Variants in PCDH15 observed in about 807,000 individuals in gnomAD.
PCDH15 encodes the protein protocadherin related 15.
In PCDH15, 129 loss-of-function variants were observed where a neutral mutation model predicts 178.5. The ratio of observed to expected loss-of-function variants is 0.72; its 90% CI spans 0.63 to 0.84. The LOEUF (loss-of-function observed/expected upper bound fraction) is 0.84, where lower values mean the gene tolerates loss of function less well. PCDH15 is among the 40% of genes least tolerant of loss of function. PCDH15 has a pLI of 0.00. For missense variants in PCDH15, 2,230 were observed against 2,099.9 expected (o/e 1.06, Z -1.21); for synonymous variants, 800 against 732.0 (o/e 1.09, Z -1.50).
At chr10:55,559,472 A>G in intron 2 of PCDH15, among the ~76,000 whole-genome samples, 1 of 152,124 alleles carries the variant, frequency 6.6e-6, no homozygotes, top group East Asian at 1.9e-4. Flanking sequence ...CTATAAGGCT[A>G]GCTGCGGAAT....
chr10:53,894,192 C>A (rs78022905), intron 26 of PCDH15, among the ~76,000 whole-genome samples: 3,414 of 152,234 alleles, frequency 0.022, 42 homozygotes, highest in Middle Eastern at 0.058. Context: ...ATCATGCACA[C>A]AGATAAACGA....
chr10:54,177,310 G>A (rs1053503096), intron 13 of PCDH15, among the ~76,000 whole-genome samples: 4 of 152,126 alleles, frequency 2.6e-5, no homozygotes, highest in African/African-American at 4.8e-5. Context: ...CAGAGCACAG[G>A]ATTTTTAGAG....
At chr10:55,626,145 AAGAG>A (rs571415824) in intron 2 of PCDH15, among the ~76,000 whole-genome samples, 28 of 151,070 alleles carry the variant, frequency 1.9e-4, no homozygotes, top group Admixed American at 1.3e-3. Context: ...GAGAGAGAGA[AAGAG>A]AGAGAGAGAG....
chr10:54,850,806 A>C (rs1953606142), intron 3 of PCDH15, among the ~76,000 whole-genome samples: 1 of 152,168 alleles, frequency 6.6e-6, no homozygotes, highest in Non-Finnish European at 1.5e-5. Context: ...TTACATTTAC[A>C]TTCCAGGAAA....
intron 8 of PCDH15, among the ~76,000 whole-genome samples, chr10:54,247,727 C>G (rs533670357): frequency 6.6e-6 from 1 of 151,782 alleles, no homozygotes; most frequent in South Asian, 2.1e-4. Flanking sequence ...ATATGCCAAG[C>G]TTGCCAATAA....
At chr10:55,557,392 T>C (rs1260340661) in intron 2 of PCDH15, among the ~76,000 whole-genome samples, 1 of 152,158 alleles carries the variant, frequency 6.6e-6, no homozygotes, top group Non-Finnish European at 1.5e-5. Context: ...CAGAACTGGT[T>C]ACCATAAACT....
At chr10:54,430,476 A>C (rs1416032845) in intron 3 of PCDH15, among the ~76,000 whole-genome samples, 1 of 152,158 alleles carries the variant, frequency 6.6e-6, no homozygotes, top group Non-Finnish European at 1.5e-5. Flanking sequence ...ATCTAACCAC[A>C]ATGGAATAAA....
At chr10:54,939,059 A>C (rs1322466002) in intron 2 of PCDH15, among the ~76,000 whole-genome samples, 3 of 152,206 alleles carry the variant, frequency 2.0e-5, no homozygotes, top group Non-Finnish European at 4.4e-5. Flanking sequence ...CAATACATTT[A>C]TGTTGATTTA....
chr10:55,016,724 T>A (rs1020742538), intron 2 of PCDH15, among the ~76,000 whole-genome samples: 2 of 152,176 alleles, frequency 1.3e-5, no homozygotes, highest in Non-Finnish European at 1.5e-5. Context: ...AGTGTGGACA[T>A]CTCAATATAC....
Position 54,320,844 on chromosome 10 carries a change from A to G in PCDH15, c.706-3403T>C, listed in dbSNP as rs566707096. 3.4e-4 allele frequency among the ~76,000 whole-genome samples: 51 copies of G among 152,026 alleles called. No homozygotes were observed. In the South Asian group the frequency reaches 0.011, roughly 32 times the overall value. ...TACTGAAAATTACTAATGTTAAGAT[A>G]ATGTGACCTCATAAAGATTAGTAGG... On this transcript the variant is annotated intron_variant, in intron 7 of 37. Coordinates refer to ENST00000644397, the MANE Select transcript of PCDH15 (RefSeq NM_001384140.1).
At chr10:54,381,923 C>T (rs942529944) in intron 3 of PCDH15, among the ~76,000 whole-genome samples, 2 of 151,954 alleles carry the variant, frequency 1.3e-5, no homozygotes, top group African/African-American at 4.8e-5. Flanking sequence ...AGTGGATAAC[C>T]GCATTTACCC....
intron 6 of PCDH15, among the ~76,000 whole-genome samples, chr10:54,340,031 G>A (rs1157241699): frequency 1.3e-5 from 2 of 151,916 alleles, no homozygotes; most frequent in Non-Finnish European, 2.9e-5. Context: ...CTATTGCAGT[G>A]GTCCTGAATA....
At chr10:53,961,721 A>C in intron 22 of PCDH15, 31 bp downstream of exon 22, 1 of 1,564,742 alleles carries the variant, frequency 6.4e-7, no homozygotes, top group Non-Finnish European at 8.7e-7. Flanking sequence ...TTAAACATCA[A>C]ATAGACCACA....
At chr10:54,819,694 A>C (rs1427761927) in intron 3 of PCDH15, among the ~76,000 whole-genome samples, 1 of 152,004 alleles carries the variant, frequency 6.6e-6, no homozygotes, top group Non-Finnish European at 1.5e-5. Context: ...CAGCCTATAC[A>C]TTATTAAAAA....
intron 2 of PCDH15, among the ~76,000 whole-genome samples, chr10:55,332,897 G>A (rs1343045522): frequency 6.6e-6 from 1 of 152,048 alleles, no homozygotes; most frequent in Non-Finnish European, 1.5e-5. Context: ...ATTACCCTGA[G>A]TCAGGTGTGT....
At chr10:55,409,060 C>T (rs2132033181) in intron 2 of PCDH15, among the ~76,000 whole-genome samples, 1 of 152,108 alleles carries the variant, frequency 6.6e-6, no homozygotes, top group East Asian at 1.9e-4. Context: ...AGGATTCTGT[C>T]CTAGGTGCTT....
intron 2 of PCDH15, among the ~76,000 whole-genome samples, chr10:55,360,782 C>T (rs1845208557): frequency 6.6e-6 from 1 of 151,902 alleles, no homozygotes; most frequent in Non-Finnish European, 1.5e-5. Flanking sequence ...ATTTTGACAG[C>T]ATTTAACAAT....
At chr10:54,196,973 T>C (rs2049736314) in intron 10 of PCDH15, among the ~76,000 whole-genome samples, 1 of 152,224 alleles carries the variant, frequency 6.6e-6, no homozygotes, top group South Asian at 2.1e-4. Flanking sequence ...TATGGTGTTT[T>C]GTTATTGCAG....
intron 3 of PCDH15, among the ~76,000 whole-genome samples, chr10:54,403,697 AATCT>A (rs1952234649): frequency 1.3e-5 from 2 of 151,876 alleles, no homozygotes; most frequent in Admixed American, 1.3e-4. Context: ...AAACCCTCAA[AATCT>A]AGGCCCATAA....
Sources: gnomAD v4.1 joint callset for allele counts (sites outside exome capture counted in the v4.1 genomes callset) on GRCh38, gnomAD v4.1.1 for gene constraint, MANE v1.5 for transcripts, NCBI Gene and HGNC (gene_info 2026-07-23, HGNC 2026-07-21) for gene names.